The following SYNDIG1 variants were observed in gnomAD, a reference collection of about 807,000 sequenced individuals.
SYNDIG1 encodes synapse differentiation inducing 1.
In SYNDIG1, 9 loss-of-function variants were observed where a neutral mutation model predicts 19.4. The ratio of observed to expected loss-of-function variants is 0.46; its 90% CI spans 0.28 to 0.81. The LOEUF is 0.81. Among genes scored for constraint, SYNDIG1 ranks in the 30% least tolerant of loss-of-function variants. The pLI, the probability that SYNDIG1 is intolerant of heterozygous loss-of-function variation, is 0.12. For synonymous variants in SYNDIG1, 141 were observed against 145.9 expected, an observed-to-expected ratio of 0.97 and a Z score of 0.24; for missense variants, 311 against 343.3, an observed-to-expected ratio of 0.91 and a Z score of 0.74.
At chr20:24,567,743 A>C (rs1415217598) in intron 2 of SYNDIG1, among the ~76,000 whole-genome samples, 1 of 152,164 alleles carries the variant, frequency 6.6e-6, no homozygotes, top group African/African-American at 2.4e-5. Context: ...TCCTTCCAGG[A>C]TGGGAGGGAG....
chr20:24,499,894 A>G (rs2056398141), intron 1 of SYNDIG1, among the ~76,000 whole-genome samples: 1 of 152,228 alleles, frequency 6.6e-6, no homozygotes, highest in South Asian at 2.1e-4. Flanking sequence ...GGAGTGGGGT[A>G]ATAGATGCCT....
chr20:24,586,467 C>T (rs963635840), intron 3 of SYNDIG1, among the ~76,000 whole-genome samples: 4 of 152,184 alleles, frequency 2.6e-5, no homozygotes, highest in African/African-American at 7.2e-5. Context: ...AGGTCCCAGA[C>T]TGGGACACAC....
At chr20:24,486,226 G>C (rs182036950) in intron 1 of SYNDIG1, among the ~76,000 whole-genome samples, 85 of 152,336 alleles carry the variant, frequency 5.6e-4, no homozygotes, top group African/African-American at 2.0e-3. Flanking sequence ...GTTGGGTGTG[G>C]TGTGGGCAGG....
intron 1 of SYNDIG1, among the ~76,000 whole-genome samples, chr20:24,517,977 T>C (rs1568604498): frequency 6.6e-6 from 1 of 151,258 alleles, no homozygotes; most frequent in South Asian, 2.1e-4. Flanking sequence ...GGCTAATTTT[T>C]TGTATTTTTA....
At chr20:24,486,768 C>T (rs916788545) in intron 1 of SYNDIG1, among the ~76,000 whole-genome samples, 6 of 152,166 alleles carry the variant, frequency 3.9e-5, no homozygotes, top group Admixed American at 3.9e-4. Context: ...AAGCGATTCT[C>T]CTGCCTCACC....
intron 2 of SYNDIG1, among the ~76,000 whole-genome samples, chr20:24,574,254 G>C (rs1447123891): frequency 6.6e-6 from 1 of 151,724 alleles, no homozygotes; most frequent in Non-Finnish European, 1.5e-5. Flanking sequence ...AAGGTGGGCA[G>C]ATTGCCTGAG....
intron 3 of SYNDIG1, among the ~76,000 whole-genome samples, chr20:24,610,285 T>A (rs1310333746): frequency 1.3e-5 from 2 of 152,328 alleles, no homozygotes; most frequent in East Asian, 3.9e-4. Context: ...TTTATAGGCA[T>A]ATAAAATGCT....
chr20:24,524,094 CTTTT>C (rs2057064379), intron 1 of SYNDIG1, among the ~76,000 whole-genome samples: 1 of 152,078 alleles, frequency 6.6e-6, no homozygotes, highest in African/African-American at 2.4e-5. Flanking sequence ...GTTTTGTTTC[CTTTT>C]TTGTTTTTAC....
chr20:24,630,209 A>T (rs1451978898), intron 3 of SYNDIG1, among the ~76,000 whole-genome samples: 5 of 53,556 alleles, frequency 9.3e-5, no homozygotes, highest in African/African-American at 3.9e-4. Flanking sequence ...AGGGGAGTAC[A>T]AAACGAAAAC....
At chr20:24,488,531 C>G (rs1449267585) in intron 1 of SYNDIG1, among the ~76,000 whole-genome samples, 1 of 152,242 alleles carries the variant, frequency 6.6e-6, no homozygotes, top group African/African-American at 2.4e-5. Context: ...GCTTCAAGCC[C>G]TTCTGCAGGC....
intron 3 of SYNDIG1, among the ~76,000 whole-genome samples, chr20:24,624,212 T>G (rs925982083): frequency 1.4e-5 from 2 of 142,614 alleles, no homozygotes; most frequent in Admixed American, 1.5e-4. Flanking sequence ...GCCGAGATCC[T>G]GCCACTGCAA....
rs553320799 is a variant in SYNDIG1 at position 24,656,063 on chromosome 20, G to A, written c.619-9283G>A. Among the ~76,000 whole-genome samples, 24 of 152,300 alleles carry A rather than the reference G, an allele frequency of 1.6e-4. No homozygotes were observed. In the South Asian group the frequency reaches 4.2e-3, roughly 26 times the overall value. ...GTTGTAATTCAGCAAAGTGGGCACC[G>A]CTGAGGATGAGGGACAGTGAGGGGG... On this transcript the variant is annotated intron_variant, in intron 3 of 3. Transcript: ENST00000376862.
At chr20:24,655,092 G>T (rs905513214) in intron 3 of SYNDIG1, among the ~76,000 whole-genome samples, 5 of 152,140 alleles carry the variant, frequency 3.3e-5, no homozygotes, top group African/African-American at 1.2e-4. Flanking sequence ...TAACGTCAAA[G>T]GGAAGCAAAA....
intron 2 of SYNDIG1, among the ~76,000 whole-genome samples, chr20:24,565,107 A>G (rs1448981996): frequency 1.3e-5 from 2 of 152,206 alleles, no homozygotes. Context: ...TGGACCTCAA[A>G]TTCCCATGTA....
intron 3 of SYNDIG1, among the ~76,000 whole-genome samples, chr20:24,646,702 A>G (rs187623641): frequency 8.6e-4 from 130 of 151,682 alleles, no homozygotes; most frequent in African/African-American, 2.9e-3. Flanking sequence ...GCTCTCTACA[A>G]TGTCCGCCTC....
chr20:24,585,831 G>T (rs1236809757), intron 3 of SYNDIG1, among the ~76,000 whole-genome samples: 2 of 152,258 alleles, frequency 1.3e-5, no homozygotes, highest in Non-Finnish European at 2.9e-5. Flanking sequence ...TCGGGGTGGT[G>T]CTGCGCACCC....
intron 3 of SYNDIG1, among the ~76,000 whole-genome samples, chr20:24,587,405 G>T (rs986939593): frequency 6.6e-5 from 10 of 152,204 alleles, no homozygotes; most frequent in Non-Finnish European, 1.5e-4. Flanking sequence ...GCTCCCCTCA[G>T]TCTGCAGTGG....
intron 1 of SYNDIG1, among the ~76,000 whole-genome samples, chr20:24,513,402 A>G (rs1356814557): frequency 1.3e-5 from 2 of 152,208 alleles, no homozygotes; most frequent in Non-Finnish European, 2.9e-5. Flanking sequence ...ATGGCTAACT[A>G]GAATAACCAG....
At chr20:24,520,433 C>T (rs1316667195) in intron 1 of SYNDIG1, among the ~76,000 whole-genome samples, 3 of 152,146 alleles carry the variant, frequency 2.0e-5, no homozygotes, top group Admixed American at 6.6e-5. Flanking sequence ...CGGTGGCTCA[C>T]GCCTATAATC....
Sources: gnomAD v4.1 joint callset for allele counts (sites outside exome capture counted in the v4.1 genomes callset) on GRCh38, gnomAD v4.1.1 for gene constraint, MANE v1.5 for transcripts, NCBI Gene and HGNC (gene_info 2026-07-23, HGNC 2026-07-21) for gene names.